Variants in ABCB6 observed in about 807,000 individuals in gnomAD.
ABCB6 encodes the protein ATP-binding cassette sub-family B member 6.
ABCB6 carries 87 observed loss-of-function variants against 99.4 expected under a neutral mutation model. The ratio of observed to expected loss-of-function variants is 0.88; its 90% CI spans 0.74 to 1.05. The LOEUF (loss-of-function observed/expected upper bound fraction) is 1.05. Ranked by LOEUF, ABCB6 falls within the 50% of genes least tolerant of loss-of-function variation. ABCB6 has a pLI of 0.00. For missense variants in ABCB6, 1,050 were observed against 1,097.9 expected, an observed-to-expected ratio of 0.96 and a Z score of 0.62; for synonymous variants, 482 against 447.5, an observed-to-expected ratio of 1.08 and a Z score of -0.97.
Position 219,212,438 on chromosome 2 carries a change from G to C in ABCB6, c.1917C>G (p.Phe639Leu), listed in dbSNP as rs749622093. ...GGATGCAGCCAGAGCTGATGTCGTA[G>C]AAGCGAAACAGCAGGCGCAAAATTG... ...KSTILRLLFR[F>L]YDISSGCIRI... is the part of the protein sequence containing the mutation. The change falls in exon 14 of 19, where the codon TTC becomes TTG. Residue 639 changes from phenylalanine to leucine, a missense_variant. Phe to Leu is a conservative substitution (Grantham distance 22). Coordinates refer to ENST00000265316, the MANE Select transcript of ABCB6 (RefSeq NM_005689.4). 1 of 1,614,220 alleles carries C rather than the reference G, an allele frequency of 6.2e-7. No individual in the cohort carries two copies. Among genetic ancestry groups the C allele is most frequent in the South Asian group, 1.1e-5 (1 of 91,088 alleles).
At chr2:219,218,003 G>GC in intron 1 of ABCB6, 122 bp downstream of exon 1, 1 of 1,392,020 alleles carries the variant, frequency 7.2e-7, no homozygotes, top group Non-Finnish European at 9.6e-7. Flanking sequence ...GCAGGACTCA[G>GC]CCCCTCCCTT....
chr2:219,214,361 A>G, intron 7 of ABCB6, 28 bp downstream of exon 7: 1 of 1,586,964 alleles, frequency 6.3e-7, no homozygotes, highest in Non-Finnish European at 8.7e-7. Flanking sequence ...TCCACGCCTC[A>G]CACCACTGCC....
intron 16 of ABCB6, 87 bp downstream of exon 16, chr2:219,210,624 G>A (rs998087014): frequency 6.2e-7 from 1 of 1,600,124 alleles, no homozygotes; most frequent in African/African-American, 1.3e-5. Flanking sequence ...TGAATTCATG[G>A]TATCTGTTCT....
Position 219,210,455 on chromosome 2 carries a change from T to A in ABCB6, c.2277A>T (p.Thr759=). The change falls in exon 17 of 19, where the codon ACA becomes ACT. Residue 759 remains threonine (T), a synonymous_variant. Coordinates refer to ENST00000265316, the MANE Select transcript of ABCB6 (RefSeq NM_005689.4). The stretch of plus-strand genomic sequence containing the variant: ...AAGCCTGGATGGCCCTCTCATTAGA[T>A]GTATCCAGCGCTGACGTTGCCTATA... ...LLDEATSALD[T]SNERAIQASL... is the part of the protein sequence containing the mutation. 1 of 1,614,182 alleles carries A rather than the reference T, an allele frequency of 6.2e-7. No individual in the cohort carries two copies. The highest frequency in any genetic ancestry group is 8.5e-7 in the Non-Finnish European group (1 of 1,180,030).
chr2:219,212,797 C>T (rs941976056), intron 13 of ABCB6, among the ~76,000 whole-genome samples: 4 of 152,010 alleles, frequency 2.6e-5, no homozygotes, highest in Non-Finnish European at 5.9e-5. Flanking sequence ...GCTGGGATTA[C>T]AGGCATGTGC....
At chr2:219,213,705 C>T in intron 9 of ABCB6, 39 bp from the exon 10 acceptor site, 3 of 1,613,606 alleles carry the variant, frequency 1.9e-6, no homozygotes, top group South Asian at 2.2e-5. Flanking sequence ...CACGGGGGGC[C>T]TGCAGGCCGC....
chr2:219,213,789 C>T (rs747533202), intron 9 of ABCB6, 37 bp downstream of exon 9: 3 of 1,613,832 alleles, frequency 1.9e-6, no homozygotes, highest in African/African-American at 2.7e-5. Context: ...CCCCCTTTTC[C>T]TTGTGCCCCA....
chr2:219,216,406 CGTAACTGGTAACA>C lies in ABCB6; in HGVS notation c.915_927del (p.Val306SerfsTer17). 1 of 1,614,036 alleles carries C rather than the reference CGTAACTGGTAACA, an allele frequency of 6.2e-7. No individual in the cohort carries two copies. The highest frequency in any genetic ancestry group is 8.5e-7 in the Non-Finnish European group (1 of 1,179,984). ...CCCCCCTGGAGGAACTTGAGGAAGA[CGTAACTGGTAACA>C]GTCCAGGCCAGAGAGTTCCAAGGTG... On this transcript the variant is annotated frameshift_variant, in exon 4 of 19. Transcript: ENST00000265316. LOFTEE classifies it high-confidence loss of function. This position sits in a 1 kb window ranked among gnomAD's most constrained non-coding sequence, Gnocchi z 4.2.
In ABCB6 at chr2:219,214,192, G is replaced by A. The variant is rs1314366709; in HGVS notation, c.1387-6C>T. 6.2e-7 allele frequency: 1 copy of A among 1,614,106 alleles called. No homozygotes were observed. The highest frequency in any genetic ancestry group is 1.7e-5 in the Admixed American group (1 of 60,034). ...TCGGCGTTGTAATACTTCACCTGAT[G>A]AATTCAAACCAAATTTATTTGGCAT... On this transcript the variant is annotated splice_polypyrimidine_tract_variant and splice_region_variant and intron_variant, in intron 7 of 18. Transcript: ENST00000265316.
At position 219,211,005 on chromosome 2, in the gene ABCB6, G is replaced by C; in HGVS notation, c.2072C>G (p.Ala691Gly). 6.2e-7 allele frequency: 1 copy of C among 1,614,180 alleles called. No homozygotes were observed. Among genetic ancestry groups the C allele is most frequent in the Non-Finnish European group, 8.5e-7 (1 of 1,180,022 alleles). The change falls in exon 15 of 19, where the codon GCT becomes GGT. Residue 691 changes from alanine (A) to glycine (G), a missense_variant. Transcript: ENST00000265316. ...AGCAGCCTCCACCTCATCATTCCCA[G>C]CTGTGACACGGCCGTAACGGATATT... ...ADNIRYGRVTAGNDEVEAAAQ... is the reference protein window; with the variant it reads ...ADNIRYGRVTGGNDEVEAAAQ...
Position 219,213,300 on chromosome 2 carries a change from G to T in ABCB6, c.1746C>A (p.Pro582=), listed in dbSNP as rs1950600497. 1 of 1,613,952 alleles carries T rather than the reference G, an allele frequency of 6.2e-7. No homozygotes were observed. The highest frequency in any genetic ancestry group is 8.5e-7 in the Non-Finnish European group (1 of 1,180,024). The change falls in exon 12 of 19, where the codon CCC becomes CCA. Residue 582 remains proline, a synonymous_variant. Transcript: ENST00000265316. ...TEVKDLPGAG[P]LRFQKGRIEF... ...CAATACGGCCCTTCTGAAAGCGAAG[G>T]GGCCCTGCTCCAGGAAGGTCCTTCA...
chr2:219,214,242 C>T, intron 7 of ABCB6, 56 bp from the exon 8 acceptor site: 1 of 1,567,068 alleles, frequency 6.4e-7, no homozygotes, highest in Non-Finnish European at 8.8e-7. Flanking sequence ...GCACTCGGGT[C>T]ATTCCCCCCA....
At chr2:219,215,195 C>CTG in intron 5 of ABCB6, 113 bp from the exon 6 acceptor site, 1 of 1,374,208 alleles carries the variant, frequency 7.3e-7, no homozygotes, top group Non-Finnish European at 9.9e-7. Flanking sequence ...TGGAACCAGT[C>CTG]TTAATTAATT....
Position 219,216,813 on chromosome 2 carries a change from T to G in ABCB6, c.707A>C (p.Gln236Pro). 1 of 1,612,768 alleles carries G rather than the reference T, an allele frequency of 6.2e-7. No homozygotes were observed. Among genetic ancestry groups the G allele is most frequent in the Non-Finnish European group, 8.5e-7 (1 of 1,179,688 alleles). Reference sequence around the variant, plus strand: ...CCTGCCAAAATCTCGCCAGGTAGACTGTTGGGCTGCTGACCGAACCTAGGA... The same window carrying G: ...CCTGCCAAAATCTCGCCAGGTAGACGGTTGGGCTGCTGACCGAACCTAGGA... ...ERSQVRSAAQ[Q>P]STWRDFGRKL... Residue 236 changes from glutamine to proline, a missense_variant, in exon 3 of 19, where the codon CAG becomes CCG. Coordinates refer to ENST00000265316, the MANE Select transcript of ABCB6 (RefSeq NM_005689.4). The surrounding 1 kb of genome is among the most constrained non-coding windows in gnomAD (Gnocchi z 4.2).
In ABCB6 at chr2:219,214,411, T is replaced by A; in HGVS notation, c.1364A>T (p.Asp455Val). The A allele has an allele frequency of 6.2e-7, 1 of 1,613,774 alleles. No individual in the cohort carries two copies. Among genetic ancestry groups the A allele is most frequent in the Non-Finnish European group, 8.5e-7 (1 of 1,179,864 alleles). The part of the protein sequence containing the change: ...QENATRARAV[D>V]SLLNFETVKY... ...TACCGTCTCGAAGTTTAGCAGAGAG[T>A]CCACTGCTCGTGCCCGGGTAGCGTT... The change falls in exon 7 of 19, where the codon GAC (aspartate) becomes GTC (valine). Residue 455 changes from aspartate to valine, a missense_variant. Asp to Val is a radical substitution (Grantham distance 152). Transcript: ENST00000265316.
chr2:219,210,863 G>A, intron 15 of ABCB6, 40 bp from the exon 16 acceptor site: 4 of 1,613,324 alleles, frequency 2.5e-6, no homozygotes, highest in Non-Finnish European at 3.4e-6. Flanking sequence ...ACGAAACGGA[G>A]GGAACAGGGG....
At chr2:219,212,519 C>T (rs1354992749) in intron 13 of ABCB6, 28 bp from the exon 14 acceptor site, 1 of 1,588,614 alleles carries the variant, frequency 6.3e-7, no homozygotes, top group East Asian at 2.2e-5. Flanking sequence ...GGAAAAATCT[C>T]AGGCCCACTG....
In ABCB6 at chr2:219,216,030, T is replaced by C; in HGVS notation, c.1121A>G (p.Asp374Gly). ...CCCTGTGACACTGGATGTGCCCCGATCCGCGATCCGCAGCACCTCCCCTGT... is the reference window on the plus strand; with the variant it reads ...CCCTGTGACACTGGATGTGCCCCGACCCGCGATCCGCAGCACCTCCCCTGT... ...RRTGEVLRIADRGTSSVTGLL... is the reference protein window; with the variant it reads ...RRTGEVLRIAGRGTSSVTGLL... The change falls in exon 5 of 19, where the codon GAT becomes GGT. Residue 374 changes from aspartate (D) to glycine (G), a missense_variant. Transcript: ENST00000265316. The surrounding 1 kb of genome is among the most constrained non-coding windows in gnomAD (Gnocchi z 4.2). 1.2e-6 allele frequency: 2 copies of C among 1,601,326 alleles called. No homozygotes were observed. Among genetic ancestry groups the C allele is most frequent in the East Asian group, 2.2e-5 (1 of 44,548 alleles).
rs1167143539 is a variant in ABCB6 at position 219,218,112 on chromosome 2, C to G, written c.549+13G>C. ...GCCAGCAGAGGCTTCCCCCTTCCCA[C>G]AGAGTCCCTCACCTGCTGGCCCAAG... On this transcript the variant is annotated intron_variant, in intron 1 of 18. Coordinates refer to ENST00000265316, the MANE Select transcript of ABCB6 (RefSeq NM_005689.4). The G allele has an allele frequency of 6.3e-7, 1 of 1,586,298 alleles. No homozygotes were observed. The highest frequency in any genetic ancestry group is 2.2e-5 in the East Asian group (1 of 44,570).
Sources: allele counts gnomAD v4.1 joint callset (sites outside exome capture counted in the v4.1 genomes callset), GRCh38; gene constraint gnomAD v4.1.1; non-coding constraint Gnocchi (gnomAD v3.1); transcripts MANE v1.5; gene names NCBI Gene and HGNC (gene_info 2026-07-23, HGNC 2026-07-21).